The following KDM2A variants were observed in gnomAD, a reference collection of about 807,000 sequenced individuals.
The protein encoded by KDM2A is lysine demethylase 2A.
KDM2A carries 3 observed loss-of-function variants against 137.3 expected under a neutral mutation model. The observed-to-expected ratio is 0.02, with a 90% CI of 0.01 to 0.06. The LOEUF is 0.06. KDM2A is among the 10% of genes least tolerant of loss of function. The probability of loss-of-function intolerance (pLI) is 1.00; values close to 1 mark genes in which losing one functional copy is unlikely to be tolerated. For synonymous variants in KDM2A, 512 were observed against 541.5 expected, an observed-to-expected ratio of 0.95 and a Z score of 0.76; for missense variants, 738 against 1,510.6, an observed-to-expected ratio of 0.49 and a Z score of 8.48.
At position 67,255,976 on chromosome 11, in the gene KDM2A, C is replaced by T. The variant is rs1002331210; in HGVS notation, c.*921C>T. ...CAGCCTATCTCCCCCAAGCTGGAGG[C>T]GGCAGAGGACTGGGCCAAGCCCCAA... is the stretch of plus-strand genomic sequence containing the variant. On this transcript the variant is annotated 3_prime_UTR_variant, in exon 21 of 21. Coordinates refer to ENST00000529006, the MANE Select transcript of KDM2A (RefSeq NM_012308.3). 6 of 196,076 alleles carry T rather than the reference C, an allele frequency of 3.1e-5. No individual in the cohort carries two copies. Among genetic ancestry groups the T allele is most frequent in the African/African-American group, 9.5e-5 (4 of 42,248 alleles). 12.1% of individuals were successfully genotyped at this position (196,076 alleles called of 1,614,324 possible).
intron 2 of KDM2A, chr11:67,148,986 A>G (rs1856320571): frequency 1.3e-5 from 2 of 152,148 alleles, no homozygotes; most frequent in South Asian, 4.1e-4. Flanking sequence ...GGTTGTTATA[A>G]CATGTTTAGC....
chr11:67,242,899 G>T lies in KDM2A; in HGVS notation c.1480-110G>T, dbSNP rs1298511322. 4 of 736,014 alleles carry T rather than the reference G, an allele frequency of 5.4e-6. No individual in the cohort carries two copies. In the African/African-American group the frequency reaches 7.0e-5, roughly 13 times the overall value. The allele number at this position is 736,014 out of a possible 1,614,324, so 45.6% of individuals were successfully genotyped here. On this transcript the variant is annotated intron_variant, in intron 12 of 20. Transcript: ENST00000529006. ...GGCAAATACAGACAGTTGCCACCCT[G>T]CCTCCCTTGCTACTCAAGGGTACTG...
chr11:67,120,998 C>T (rs966390992), intron 1 of KDM2A, among the ~76,000 whole-genome samples: 1 of 151,990 alleles, frequency 6.6e-6, no homozygotes, highest in African/African-American at 2.4e-5. Flanking sequence ...TGTGGCCCTT[C>T]CACAAGGAAC....
chr11:67,240,740 G>A (rs890645646), intron 12 of KDM2A, among the ~76,000 whole-genome samples: 1 of 152,170 alleles, frequency 6.6e-6, no homozygotes, highest in Non-Finnish European at 1.5e-5. Flanking sequence ...CTCTAGTGAA[G>A]GGTGGTGGCT....
intron 5 of KDM2A, among the ~76,000 whole-genome samples, chr11:67,204,454 C>T (rs950242474): frequency 1.3e-5 from 2 of 151,394 alleles, no homozygotes; most frequent in Non-Finnish European, 2.9e-5. Context: ...AATATGTAGC[C>T]TTTTGTGTAG....
intron 12 of KDM2A, among the ~76,000 whole-genome samples, chr11:67,235,740 G>C (rs1299494168): frequency 6.6e-6 from 1 of 151,814 alleles, no homozygotes; most frequent in East Asian, 1.9e-4. Flanking sequence ...TCCTGTCTCA[G>C]CCTCTGAGTA....
Sources: allele counts gnomAD v4.1 joint callset (sites outside exome capture counted in the v4.1 genomes callset), GRCh38; gene constraint gnomAD v4.1.1; transcripts MANE v1.5; gene names NCBI Gene and HGNC (gene_info 2026-07-23, HGNC 2026-07-21).